DGKI: variants seen among roughly 807,000 people sequenced by gnomAD.
DGKI encodes the protein diacylglycerol kinase iota, also known as DAG kinase iota.
DGKI carries 55 observed loss-of-function variants against 147.5 expected under a neutral mutation model. That is an observed-to-expected ratio of 0.37 (90% CI 0.30 to 0.47). The LOEUF is 0.47. Ranked by LOEUF, DGKI falls within the 20% of genes least tolerant of loss-of-function variation. DGKI has a pLI of 1.00. For synonymous variants in DGKI, 469 were observed against 477.1 expected (o/e 0.98, Z 0.22); for missense variants, 1,007 against 1,323.8 (o/e 0.76, Z 3.71).
intron 1 of DGKI, among the ~76,000 whole-genome samples, chr7:137,744,582 C>T (rs1381403762): frequency 1.3e-5 from 2 of 152,066 alleles, no homozygotes; most frequent in Admixed American, 1.3e-4. Flanking sequence ...CTGATAAAGA[C>T]ACACCAAGAA....
rs548968096 is a variant in DGKI at position 137,795,988 on chromosome 7, C to T, written c.401+50474G>A. Among the ~76,000 whole-genome samples the T allele has an allele frequency of 2.0e-5, 3 of 152,304 alleles. No individual in the cohort carries two copies. The South Asian group carries it at 6.2e-4, about 32-fold the overall frequency. The stretch of plus-strand genomic sequence containing the variant: ...TACAAACACACAGCATCAACAACTA[C>T]TACTACTACTAGTAATGGCAACAAA... On this transcript the variant is annotated intron_variant, in intron 1 of 32. Transcript: ENST00000614521.
At chr7:137,405,034 G>A (rs866158341) in intron 30 of DGKI, among the ~76,000 whole-genome samples, 2 of 152,192 alleles carry the variant, frequency 1.3e-5, no homozygotes, top group Middle Eastern at 3.4e-3. Flanking sequence ...ATTTTTGGAC[G>A]CAGGGGAAGA....
chr7:137,445,798 A>C (rs2128918244), intron 27 of DGKI, among the ~76,000 whole-genome samples: 1 of 152,264 alleles, frequency 6.6e-6, no homozygotes, highest in South Asian at 2.1e-4. Flanking sequence ...ATTGGTTATA[A>C]TGTGGACACT....
intron 27 of DGKI, among the ~76,000 whole-genome samples, chr7:137,462,780 G>A (rs1301619102): frequency 3.3e-5 from 5 of 152,228 alleles, no homozygotes; most frequent in Admixed American, 3.3e-4. Context: ...TGGATTGATT[G>A]GCCTGAAATT....
intron 1 of DGKI, among the ~76,000 whole-genome samples, chr7:137,723,142 T>G (rs1297617664): frequency 6.6e-6 from 1 of 152,222 alleles, no homozygotes; most frequent in Non-Finnish European, 1.5e-5. Context: ...ATGATGATGA[T>G]GAAGTACCCT....
intron 1 of DGKI, among the ~76,000 whole-genome samples, chr7:137,757,387 T>C (rs1795721133): frequency 1.3e-5 from 2 of 152,328 alleles, no homozygotes; most frequent in Middle Eastern, 6.8e-3. Context: ...TCCTACACCC[T>C]CTCCTTCCCA....
At chr7:137,641,411 T>C (rs1395845186) in intron 6 of DGKI, among the ~76,000 whole-genome samples, 1 of 152,156 alleles carries the variant, frequency 6.6e-6, no homozygotes. Flanking sequence ...TCCAAAATGC[T>C]TCAAAACCCA....
chr7:137,664,109 A>G (rs1291772578), intron 3 of DGKI, among the ~76,000 whole-genome samples: 1 of 152,150 alleles, frequency 6.6e-6, no homozygotes, highest in Non-Finnish European at 1.5e-5. Flanking sequence ...GGGTGCAGTG[A>G]TTCACGCCTG....
intron 1 of DGKI, among the ~76,000 whole-genome samples, chr7:137,788,659 C>CACAT (rs1563198462): frequency 3.2e-5 from 2 of 62,794 alleles, no homozygotes; most frequent in Non-Finnish European, 3.3e-5. Context: ...CACACACACA[C>CACAT]ACACATACAC....
chr7:137,467,789 T>C (rs1027167654), intron 24 of DGKI, among the ~76,000 whole-genome samples: 1 of 152,136 alleles, frequency 6.6e-6, no homozygotes, highest in African/African-American at 2.4e-5. Context: ...GAGACCAGCC[T>C]GGGCAACAAA....
At chr7:137,505,437 C>T (rs1267695501) in intron 21 of DGKI, among the ~76,000 whole-genome samples, 1 of 152,072 alleles carries the variant, frequency 6.6e-6, no homozygotes, top group African/African-American at 2.4e-5. Flanking sequence ...CATGTCATAT[C>T]TAATTCATTC....
At chr7:137,469,491 A>T in intron 24 of DGKI, 59 bp downstream of exon 24, 1 of 1,557,910 alleles carries the variant, frequency 6.4e-7, no homozygotes, top group East Asian at 2.2e-5. Flanking sequence ...CTATCAATTG[A>T]TGCCTTGCTC....
At chr7:137,798,579 C>A (rs1054059376) in intron 1 of DGKI, among the ~76,000 whole-genome samples, 4 of 152,030 alleles carry the variant, frequency 2.6e-5, no homozygotes, top group Non-Finnish European at 5.9e-5. Flanking sequence ...ACCATCACGC[C>A]TAGCTAATTT....
At chr7:137,750,941 C>T (rs995283620) in intron 1 of DGKI, among the ~76,000 whole-genome samples, 2 of 152,114 alleles carry the variant, frequency 1.3e-5, no homozygotes, top group African/African-American at 4.8e-5. Context: ...GTTTCAGAGA[C>T]AATTTTATAC....
chr7:137,578,342 G>A lies in DGKI; in HGVS notation c.1643-17C>T. The A allele has an allele frequency of 5.6e-6, 9 of 1,611,222 alleles. No individual in the cohort carries two copies. The highest frequency in any genetic ancestry group is 7.6e-6 in the Non-Finnish European group (9 of 1,177,476). On this transcript the variant is annotated splice_polypyrimidine_tract_variant and intron_variant, in intron 15 of 32. Transcript: ENST00000614521. ...GATTTGCTTCTGTGAAAGAGGAAAA[G>A]TAGTTTTGTTATGGAGACCTCACTA...
At chr7:137,768,227 C>T (rs189391139) in intron 1 of DGKI, among the ~76,000 whole-genome samples, 1 of 152,172 alleles carries the variant, frequency 6.6e-6, no homozygotes, top group African/African-American at 2.4e-5. Context: ...TTTGCACCAA[C>T]CTAACAGATA....
intron 19 of DGKI, among the ~76,000 whole-genome samples, chr7:137,568,161 T>C (rs772283840): frequency 6.6e-6 from 1 of 152,206 alleles, no homozygotes; most frequent in Non-Finnish European, 1.5e-5. Flanking sequence ...GATCTGGCCC[T>C]TACCCACATC....
chr7:137,492,757 T>C (rs1053499094), intron 21 of DGKI, among the ~76,000 whole-genome samples: 1 of 152,170 alleles, frequency 6.6e-6, no homozygotes, highest in African/African-American at 2.4e-5. Context: ...TTAGGCAAAC[T>C]GTCAGACCTG....
At chr7:137,724,158 T>C (rs1445937026) in intron 1 of DGKI, among the ~76,000 whole-genome samples, 1 of 152,180 alleles carries the variant, frequency 6.6e-6, no homozygotes, top group Non-Finnish European at 1.5e-5. Context: ...CTTAGATTTT[T>C]AGCTTGTTCA....
Sources: gnomAD v4.1 joint callset for allele counts (sites outside exome capture counted in the v4.1 genomes callset) on GRCh38, gnomAD v4.1.1 for gene constraint, MANE v1.5 for transcripts, NCBI Gene and HGNC (gene_info 2026-07-23, HGNC 2026-07-21) for gene names.